Variants in PTPRD observed in about 807,000 individuals in gnomAD.
The protein encoded by PTPRD is receptor-type tyrosine-protein phosphatase delta.
In PTPRD, 34 loss-of-function variants were observed where a neutral mutation model predicts 214.5. That is an observed-to-expected ratio of 0.16 (90% CI 0.12 to 0.21). PTPRD has a LOEUF of 0.21. Among genes scored for constraint, PTPRD ranks in the 10% least tolerant of loss-of-function variants. The pLI is 1.00. For synonymous variants in PTPRD, 1,128 were observed against 845.7 expected (o/e 1.33, Z -5.79); for missense variants, 2,545 against 2,398.7 (o/e 1.06, Z -1.27).
intron 14 of PTPRD, among the ~76,000 whole-genome samples, chr9:8,554,575 T>A (rs919356235): frequency 1.3e-5 from 2 of 152,168 alleles, no homozygotes; most frequent in African/African-American, 2.4e-5. Flanking sequence ...CTAAGTCCAA[T>A]TGTGACACAT....
chr9:8,680,712 A>G (rs1448052284), intron 12 of PTPRD, among the ~76,000 whole-genome samples: 1 of 152,214 alleles, frequency 6.6e-6, no homozygotes, highest in African/African-American at 2.4e-5. Flanking sequence ...ATACATACAA[A>G]TATGCCTATA....
At chr9:10,061,952 C>A (rs551768350) in intron 3 of PTPRD, among the ~76,000 whole-genome samples, 1 of 152,010 alleles carries the variant, frequency 6.6e-6, no homozygotes, top group South Asian at 2.1e-4. Context: ...ATCGGAAACT[C>A]TGGAAATGGA....
intron 11 of PTPRD, among the ~76,000 whole-genome samples, chr9:8,734,874 A>G (rs189873604): frequency 7.2e-5 from 11 of 152,322 alleles, no homozygotes; most frequent in Admixed American, 3.9e-4. Context: ...TAGTGTCTCA[A>G]ACTAGGCCTT....
intron 5 of PTPRD, among the ~76,000 whole-genome samples, chr9:9,772,031 C>T (rs1207229376): frequency 6.6e-6 from 1 of 152,032 alleles, no homozygotes; most frequent in Non-Finnish European, 1.5e-5. Context: ...CATAAAATTC[C>T]TGTGTTGAAG....
At chr9:9,642,399 A>G (rs1259082132) in intron 7 of PTPRD, among the ~76,000 whole-genome samples, 3 of 151,680 alleles carry the variant, frequency 2.0e-5, no homozygotes, top group African/African-American at 4.9e-5. Flanking sequence ...CATGTACCCT[A>G]AAACTTAAAG....
At chr9:8,612,687 G>A (rs1380361462) in intron 14 of PTPRD, among the ~76,000 whole-genome samples, 1 of 152,202 alleles carries the variant, frequency 6.6e-6, no homozygotes, top group African/African-American at 2.4e-5. Context: ...TGTTTTGGAG[G>A]GATGTTCACT....
At chr9:9,601,155 G>GT (rs1351236236) in intron 7 of PTPRD, among the ~76,000 whole-genome samples, 1 of 121,960 alleles carries the variant, frequency 8.2e-6, no homozygotes, top group African/African-American at 2.9e-5. Flanking sequence ...GTGTGTATGG[G>GT]GGGGGGAGAG....
rs569277495 is a variant in PTPRD at position 10,508,056 on chromosome 9, A to C, written c.-600+104342T>G. 3.9e-5 allele frequency among the ~76,000 whole-genome samples: 6 copies of C among 152,030 alleles called. No homozygotes were observed. In the South Asian group the frequency reaches 8.3e-4, roughly 21 times the overall value. Reference sequence around the variant, plus strand: ...AATTTTTGCAATCTACTTATCTGACAAAGGGCTAATATCCACAATCTACAA... The same window carrying C: ...AATTTTTGCAATCTACTTATCTGACCAAGGGCTAATATCCACAATCTACAA... On this transcript the variant is annotated intron_variant, in intron 2 of 45. Coordinates refer to ENST00000381196, the MANE Select transcript of PTPRD (RefSeq NM_002839.4).
intron 8 of PTPRD, among the ~76,000 whole-genome samples, chr9:9,460,615 C>G (rs1396077233): frequency 6.6e-5 from 10 of 151,798 alleles, no homozygotes. Context: ...AAATTAAAAC[C>G]ACAATAAGAT....
intron 3 of PTPRD, among the ~76,000 whole-genome samples, chr9:10,141,529 G>C (rs1014761634): frequency 6.6e-6 from 1 of 151,996 alleles, no homozygotes; most frequent in Admixed American, 6.6e-5. Flanking sequence ...AAATACTTAG[G>C]AATTCAACTT....
At chr9:8,505,635 A>G (rs1592242707) in intron 22 of PTPRD, among the ~76,000 whole-genome samples, 2 of 150,634 alleles carry the variant, frequency 1.3e-5, no homozygotes, top group East Asian at 1.9e-4. Context: ...AAAAAAAAAA[A>G]AAAAAAAAAA....
chr9:8,470,458 T>C (rs1565070077), intron 31 of PTPRD, among the ~76,000 whole-genome samples: 1 of 152,188 alleles, frequency 6.6e-6, no homozygotes, highest in Non-Finnish European at 1.5e-5. Context: ...AATTTTGTCA[T>C]TTGTTTTCTC....
chr9:9,352,387 G>T (rs2051727617), intron 9 of PTPRD, among the ~76,000 whole-genome samples: 1 of 150,746 alleles, frequency 6.6e-6, no homozygotes, highest in African/African-American at 2.4e-5. Flanking sequence ...ATATATATGT[G>T]TGTATATGTA....
intron 11 of PTPRD, among the ~76,000 whole-genome samples, chr9:8,782,981 AGGTTT>A (rs2095798228): frequency 1.3e-5 from 2 of 152,142 alleles, no homozygotes; most frequent in African/African-American, 4.8e-5. Context: ...ATCTCAAAAT[AGGTTT>A]CTTCTCTACC....
chr9:9,094,786 C>T (rs1419462652), intron 10 of PTPRD, among the ~76,000 whole-genome samples: 1 of 152,052 alleles, frequency 6.6e-6, no homozygotes, highest in Non-Finnish European at 1.5e-5. Flanking sequence ...AATTTCCATA[C>T]AAACTATTAC....
At chr9:9,893,026 A>T (rs1378188911) in intron 5 of PTPRD, among the ~76,000 whole-genome samples, 1 of 152,106 alleles carries the variant, frequency 6.6e-6, no homozygotes, top group Non-Finnish European at 1.5e-5. Context: ...TGGACATCAG[A>T]CACTCACTTA....
Position 9,194,759 on chromosome 9 carries a change from C to G in PTPRD, c.-202-11396G>C, listed in dbSNP as rs2099937282. On this transcript the variant is annotated intron_variant, in intron 9 of 45. Transcript: ENST00000381196. ...GATAGTGGGAAAATAGTTCTAATAGCACATTGCATATTATCTCTTAATATT... is the reference window on the plus strand; with the variant it reads ...GATAGTGGGAAAATAGTTCTAATAGGACATTGCATATTATCTCTTAATATT... Among the ~76,000 whole-genome samples the G allele has an allele frequency of 3.3e-5, 5 of 152,048 alleles. No homozygotes were observed. The South Asian group carries it at 8.3e-4, about 25-fold the overall frequency.
At chr9:10,087,678 G>T (rs1344572529) in intron 3 of PTPRD, among the ~76,000 whole-genome samples, 3 of 151,646 alleles carry the variant, frequency 2.0e-5, no homozygotes, top group Non-Finnish European at 3.0e-5. Flanking sequence ...TTGCTTTGAA[G>T]GTGGAACCGG....
intron 3 of PTPRD, among the ~76,000 whole-genome samples, chr9:10,165,946 T>C (rs1163975159): frequency 6.6e-6 from 1 of 150,726 alleles, no homozygotes; most frequent in Non-Finnish European, 1.5e-5. Flanking sequence ...CTATGTTTTA[T>C]GTAAACATAA....
Sources: allele counts gnomAD v4.1 joint callset (sites outside exome capture counted in the v4.1 genomes callset), GRCh38; gene constraint gnomAD v4.1.1; transcripts MANE v1.5; gene names NCBI Gene and HGNC (gene_info 2026-07-23, HGNC 2026-07-21).